The following LRBA variants were observed in gnomAD, a reference collection of about 807,000 sequenced individuals.
The protein encoded by LRBA is LPS responsive beige-like anchor protein, also known as lipopolysaccharide-responsive and beige-like anchor protein.
In LRBA, 176 loss-of-function variants were observed where a neutral mutation model predicts 330.0. That is an observed-to-expected ratio of 0.53 (90% CI 0.47 to 0.60). The LOEUF (loss-of-function observed/expected upper bound fraction) is 0.60, where lower values mean the gene tolerates loss of function less well. Ranked by LOEUF, LRBA falls within the 20% of genes least tolerant of loss-of-function variation. The probability of loss-of-function intolerance (pLI) is 0.00; values close to 1 mark genes in which losing one functional copy is unlikely to be tolerated. For missense variants in LRBA, 3,259 were observed against 3,444.8 expected (o/e 0.95, Z 1.35); for synonymous variants, 1,230 against 1,193.0 (o/e 1.03, Z -0.64).
intron 36 of LRBA, among the ~76,000 whole-genome samples, chr4:150,719,495 A>G (rs1371590296): frequency 6.6e-6 from 1 of 152,138 alleles, no homozygotes; most frequent in East Asian, 1.9e-4. Flanking sequence ...CAAAAAATAA[A>G]TAAATAACAA....
intron 17 of LRBA, among the ~76,000 whole-genome samples, chr4:150,877,277 A>G (rs933744728): frequency 2.7e-5 from 4 of 150,656 alleles, no homozygotes; most frequent in Non-Finnish European, 5.9e-5. Context: ...AAAAAAAAAG[A>G]GAGACCTATT....
Position 150,916,271 on chromosome 4 carries a change from G to A in LRBA, c.894+130C>T, listed in dbSNP as rs958650173. On this transcript the variant is annotated intron_variant, in intron 7 of 56. Transcript: ENST00000651943. ...AGAGGTCAATTATTCAGTGATTTAC[G>A]CTTCATCTTTTTAAACAGTAAAAAC... The A allele has an allele frequency of 1.9e-5, 16 of 837,420 alleles. No individual in the cohort carries two copies. The African/African-American group carries it at 2.4e-4, about 13-fold the overall frequency. The allele number at this position is 837,420 out of a possible 1,614,324, so 51.9% of individuals were successfully genotyped here. A position where few individuals can be genotyped will look rare whatever the true frequency, so the allele number is the denominator to read the frequency against.
chr4:150,792,316 A>G (rs1395133794), intron 34 of LRBA, among the ~76,000 whole-genome samples: 1 of 152,102 alleles, frequency 6.6e-6, no homozygotes, highest in Non-Finnish European at 1.5e-5. Context: ...AGTAAGTAAA[A>G]CTAATCCACA....
rs759284568 is a variant in LRBA, at chr4:150,850,922, A to G, written c.3826-20T>C. 7.0e-6 allele frequency: 11 copies of G among 1,582,278 alleles called. No individual in the cohort carries two copies. The highest frequency in any genetic ancestry group is 3.4e-4 in the Middle Eastern group (2 of 5,962). On this transcript the variant is annotated intron_variant, in intron 23 of 56. Coordinates refer to ENST00000651943, the MANE Select transcript of LRBA (RefSeq NM_001364905.1). ...TGATATCTAATACAGAAATTTAAAAAGTAATAAAATAGGTTCAACTTCAGC... is the reference window on the plus strand; with the variant it reads ...TGATATCTAATACAGAAATTTAAAAGGTAATAAAATAGGTTCAACTTCAGC...
intron 30 of LRBA, among the ~76,000 whole-genome samples, chr4:150,825,840 G>C (rs1271120698): frequency 6.6e-6 from 1 of 152,152 alleles, no homozygotes; most frequent in African/African-American, 2.4e-5. Flanking sequence ...TGAATTGCTT[G>C]ATATGTACTG....
intron 24 of LRBA, among the ~76,000 whole-genome samples, chr4:150,849,881 TAGG>T (rs1445247464): frequency 6.6e-6 from 1 of 152,148 alleles, no homozygotes; most frequent in Non-Finnish European, 1.5e-5. Flanking sequence ...TGACAAAAAT[TAGG>T]AGGTAAATAC....
chr4:150,864,865 C>T (rs955203112), intron 22 of LRBA, among the ~76,000 whole-genome samples: 1 of 151,894 alleles, frequency 6.6e-6, no homozygotes, highest in African/African-American at 2.4e-5. Flanking sequence ...CAGGCTGGTC[C>T]TGAACTCCTG....
intron 47 of LRBA, among the ~76,000 whole-genome samples, chr4:150,377,524 A>G (rs1741528640): frequency 6.6e-6 from 1 of 152,170 alleles, no homozygotes; most frequent in South Asian, 2.1e-4. Context: ...TTAGAAATGG[A>G]GGACTGTTTT....
chr4:150,833,118 A>C (rs1747444877), intron 28 of LRBA, among the ~76,000 whole-genome samples: 1 of 151,970 alleles, frequency 6.6e-6, no homozygotes, highest in African/African-American at 2.4e-5. Context: ...ACAAACAATT[A>C]TATATCAAGA....
At chr4:150,592,372 GT>G (rs964026116) in intron 38 of LRBA, among the ~76,000 whole-genome samples, 11 of 147,572 alleles carry the variant, frequency 7.5e-5, no homozygotes, top group East Asian at 2.0e-4. Context: ...AAGGTAAAAG[GT>G]TTTTTTTTTC....
chr4:150,586,273 T>C (rs560893204), intron 40 of LRBA, among the ~76,000 whole-genome samples: 18 of 152,164 alleles, frequency 1.2e-4, no homozygotes, highest in Non-Finnish European at 2.6e-4. Context: ...CACAAAAGTA[T>C]TTACAGCAGT....
At chr4:150,691,813 A>G (rs2126955316) in intron 36 of LRBA, among the ~76,000 whole-genome samples, 1 of 152,328 alleles carries the variant, frequency 6.6e-6, no homozygotes, top group East Asian at 1.9e-4. Context: ...GTCTGCCTAT[A>G]GCTGAATGGA....
chr4:150,428,898 TTTG>T (rs1246468686), intron 46 of LRBA, among the ~76,000 whole-genome samples: 1 of 152,140 alleles, frequency 6.6e-6, no homozygotes, highest in Non-Finnish European at 1.5e-5. Context: ...TTTTCTGAGC[TTTG>T]TTCATGTCAC....
rs1337329870 is a variant in LRBA, at chr4:150,703,947, G to A, written c.5755-20230C>T. On this transcript the variant is annotated intron_variant, in intron 36 of 56. Transcript: ENST00000651943. ...GAGCCAGACTAAGTGGCTCATGCCT[G>A]TAATCCCAGCAATTGGAGAGGCCAA... Among the ~76,000 whole-genome samples, 9 of 152,160 alleles carry A rather than the reference G, an allele frequency of 5.9e-5. No individual in the cohort carries two copies. In the South Asian group the frequency reaches 1.9e-3, roughly 32 times the overall value.
intron 28 of LRBA, among the ~76,000 whole-genome samples, chr4:150,838,251 A>T (rs1335625408): frequency 3.3e-5 from 5 of 152,052 alleles, no homozygotes; most frequent in African/African-American, 1.2e-4. Flanking sequence ...ACTTTGGTGA[A>T]TTTCACAATT....
At chr4:150,677,283 T>G (rs1399982086) in intron 37 of LRBA, among the ~76,000 whole-genome samples, 1 of 152,004 alleles carries the variant, frequency 6.6e-6, no homozygotes, top group Non-Finnish European at 1.5e-5. Flanking sequence ...CAATATAAAT[T>G]GATTATAAAT....
At chr4:150,559,853 TATA>T (rs1767995710) in intron 40 of LRBA, among the ~76,000 whole-genome samples, 2 of 25,722 alleles carry the variant, frequency 7.8e-5, no homozygotes, top group Admixed American at 7.6e-4. Context: ...TATAATAATA[TATA>T]ATTATATATA....
chr4:150,788,239 A>ATTTTTTTTTTTT (rs377479266), intron 34 of LRBA, among the ~76,000 whole-genome samples: 2 of 123,240 alleles, frequency 1.6e-5, no homozygotes, highest in African/African-American at 3.9e-5. Flanking sequence ...CACCCGGTTA[A>ATTTTTTTTTTTT]TTTTTTTTTT....
intron 2 of LRBA, among the ~76,000 whole-genome samples, chr4:151,007,443 T>C (rs1248799951): frequency 1.3e-5 from 2 of 150,646 alleles, no homozygotes; most frequent in Non-Finnish European, 3.0e-5. Flanking sequence ...AGGCGGAGCT[T>C]TCAGTGAGCG....
Sources: allele counts gnomAD v4.1 joint callset (sites outside exome capture counted in the v4.1 genomes callset), GRCh38; gene constraint gnomAD v4.1.1; transcripts MANE v1.5; gene names NCBI Gene and HGNC (gene_info 2026-07-23, HGNC 2026-07-21).